MTCL1: variants seen among roughly 807,000 people sequenced by gnomAD.
MTCL1 encodes the protein microtubule cross-linking factor 1.
In MTCL1, 79 loss-of-function variants were observed where a neutral mutation model predicts 141.4. That is an observed-to-expected ratio of 0.56 (90% CI 0.47 to 0.67). MTCL1 has a LOEUF of 0.67. MTCL1 is among the 30% of genes least tolerant of loss of function. MTCL1 has a pLI of 0.00. For missense variants in MTCL1, 2,177 were observed against 2,113.9 expected, an observed-to-expected ratio of 1.03 and a Z score of -0.59; for synonymous variants, 914 against 875.8, an observed-to-expected ratio of 1.04 and a Z score of -0.77.
chr18:8,708,340 G>A (rs1038783468), intron 1 of MTCL1, among the ~76,000 whole-genome samples: 2 of 152,208 alleles, frequency 1.3e-5, no homozygotes, highest in African/African-American at 2.4e-5. Context: ...CATTCTTGGT[G>A]CAACTGGTTA....
chr18:8,745,992 G>T (rs915531940), intron 4 of MTCL1, among the ~76,000 whole-genome samples: 1 of 152,106 alleles, frequency 6.6e-6, no homozygotes, highest in African/African-American at 2.4e-5. Flanking sequence ...TACAGTATTT[G>T]TCTTTTTGTG....
chr18:8,807,746 C>T (rs142908788), intron 11 of MTCL1, among the ~76,000 whole-genome samples: 68 of 152,226 alleles, frequency 4.5e-4, no homozygotes, highest in African/African-American at 1.6e-3. Flanking sequence ...CCTTGGAAAC[C>T]ATTGAATGTC....
rs1465508820 is a variant in MTCL1 at position 8,810,466 on chromosome 18, G to T, written c.2605-2513G>T. ...GACACAGAGGAGCTTGTGGGCAGAA[G>T]GAGTGTCCCTTCACTGTCTTCACAA... On this transcript the variant is annotated intron_variant, in intron 11 of 16. Transcript: ENST00000359865. The surrounding 1 kb of genome is among the most constrained non-coding windows in gnomAD (Gnocchi z 5.0). 6.6e-6 allele frequency among the ~76,000 whole-genome samples: 1 copy of T among 152,196 alleles called. No individual in the cohort carries two copies. The highest frequency in any genetic ancestry group is 1.5e-5 in the Non-Finnish European group (1 of 68,032).
chr18:8,786,110 T>TCCCCCCCCCCCCCCCCCCCC lies in MTCL1; in HGVS notation c.1887+30_1887+31insCCCCCCCCCCCCCCCCCCCC. ...CCTGGAGGTCAGCGTGGGCAAGCAA[T>TCCCCCCCCCCCCCCCCCCCC]CCCCCCCCCCCGCCCTCCCCCTCCT... On this transcript the variant is annotated intron_variant, in intron 7 of 16. Transcript: ENST00000359865. 1.5e-6 allele frequency: 2 copies of TCCCCCCCCCCCCCCCCCCCC among 1,310,348 alleles called. No homozygotes were observed. Among genetic ancestry groups the TCCCCCCCCCCCCCCCCCCCC allele is most frequent in the Admixed American group, 2.5e-5 (1 of 39,438 alleles). The allele number at this position is 1,310,348 out of a possible 1,614,324, so 81.2% of individuals were successfully genotyped here.
chr18:8,784,245 G>A lies in MTCL1; in HGVS notation c.1133G>A (p.Arg378His), dbSNP rs576976861. 9 of 1,608,050 alleles carry A rather than the reference G, an allele frequency of 5.6e-6. No homozygotes were observed. In the Middle Eastern group the frequency reaches 5.0e-4, roughly 89 times the overall value. Reference sequence around the variant, plus strand: ...GACCTGGCAGCCCACCTGGGGCTGCGTGCCCCCAGTCCCCGGGACAGCGAT... The same window carrying A: ...GACCTGGCAGCCCACCTGGGGCTGCATGCCCCCAGTCCCCGGGACAGCGAT... The change falls in exon 6 of 17, where the codon CGT becomes CAT. Residue 378 changes from arginine to histidine, a missense_variant. Coordinates refer to ENST00000359865, the Ensembl canonical transcript of MTCL1.
intron 7 of MTCL1, chr18:8,789,609 A>G (rs1270549546): frequency 1.3e-5 from 13 of 985,406 alleles, no homozygotes; most frequent in Non-Finnish European, 1.3e-5. Flanking sequence ...AATGGTTACA[A>G]TTGTCAAGAC....
intron 14 of MTCL1, among the ~76,000 whole-genome samples, chr18:8,823,580 G>C (rs562745305): frequency 6.6e-6 from 1 of 152,174 alleles, no homozygotes; most frequent in Non-Finnish European, 1.5e-5. Flanking sequence ...CTTCCTTTCC[G>C]GCACTGGATA....
intron 4 of MTCL1, among the ~76,000 whole-genome samples, chr18:8,744,407 CTTCT>C (rs1183218198): frequency 1.3e-5 from 2 of 152,142 alleles, no homozygotes; most frequent in African/African-American, 4.8e-5. Context: ...TTCTGACTTC[CTTCT>C]TTAAGGGACA....
At chr18:8,827,201 T>G (rs1372161185) in intron 15 of MTCL1, among the ~76,000 whole-genome samples, 1 of 152,230 alleles carries the variant, frequency 6.6e-6, no homozygotes, top group Non-Finnish European at 1.5e-5. Flanking sequence ...GGCAGCTTGC[T>G]CCTGGTCTGC....
upstream of MTCL1, chr18:8,705,651 G>T (rs1237193874): frequency 5.0e-6 from 6 of 1,211,702 alleles, no homozygotes; most frequent in Non-Finnish European, 6.1e-6. The surrounding 1 kb of genome is among the most constrained non-coding windows in gnomAD (Gnocchi z 5.2). Flanking sequence ...TGCTGCCGGC[G>T]GACCCGGCCA....
intron 11 of MTCL1, among the ~76,000 whole-genome samples, chr18:8,808,108 G>A (rs952362104): frequency 2.0e-5 from 3 of 152,170 alleles, no homozygotes; most frequent in Non-Finnish European, 4.4e-5. Context: ...AGCCCTGGGT[G>A]GGGCAGGGAC....
At chr18:8,817,277 G>GTTT (rs2076687472) in intron 12 of MTCL1, among the ~76,000 whole-genome samples, 4 of 65,368 alleles carry the variant, frequency 6.1e-5, no homozygotes, top group East Asian at 4.5e-4. Flanking sequence ...TTTTTTTAAA[G>GTTT]AAAGCAGTTA....
chr18:8,832,061 A>G (rs756860163), exon 17 of MTCL1: 16 of 531,602 alleles, frequency 3.0e-5, no homozygotes, highest in Non-Finnish European at 5.0e-5. Flanking sequence ...TACACACAGT[A>G]TATTAAACGA....
At position 8,786,110 on chromosome 18, in the gene MTCL1, T is replaced by TCCCCCCCCCCCACCC; in HGVS notation, c.1887+30_1887+31insACCCCCCCCCCCCCC. On this transcript the variant is annotated intron_variant, in intron 7 of 16. Coordinates refer to ENST00000359865, the Ensembl canonical transcript of MTCL1. ...CCTGGAGGTCAGCGTGGGCAAGCAA[T>TCCCCCCCCCCCACCC]CCCCCCCCCCCGCCCTCCCCCTCCT... 3 of 1,310,346 alleles carry TCCCCCCCCCCCACCC rather than the reference T, an allele frequency of 2.3e-6. No individual in the cohort carries two copies. The South Asian group carries it at 3.9e-5, about 17-fold the overall frequency. 81.2% of individuals were successfully genotyped at this position (1,310,346 alleles called of 1,614,324 possible).
intron 4 of MTCL1, among the ~76,000 whole-genome samples, chr18:8,770,768 G>A (rs1387230858): frequency 6.6e-6 from 1 of 152,108 alleles, no homozygotes; most frequent in Non-Finnish European, 1.5e-5. Context: ...TCTTAACAAG[G>A]CCAAGGAGAA....
At chr18:8,789,962 G>A (rs1009396012) in intron 7 of MTCL1, among the ~76,000 whole-genome samples, 1 of 152,232 alleles carries the variant, frequency 6.6e-6, no homozygotes, top group African/African-American at 2.4e-5. Context: ...GCTAGGGGCA[G>A]TTGTCCGTGG....
At chr18:8,711,704 G>A (rs2096093501) in intron 1 of MTCL1, among the ~76,000 whole-genome samples, 1 of 151,368 alleles carries the variant, frequency 6.6e-6, no homozygotes, top group Non-Finnish European at 1.5e-5. Flanking sequence ...AGAAGTGTCT[G>A]TTCATGTCCT....
chr18:8,793,625 G>A (rs28582671), intron 8 of MTCL1, among the ~76,000 whole-genome samples: 1,793 of 152,184 alleles, frequency 0.012, 36 homozygotes, highest in African/African-American at 0.041. Flanking sequence ...CCAGAGTTCC[G>A]AGTAGAAGGG....
At chr18:8,831,830 AT>A (rs1264362902) in exon 17 of MTCL1, 2 of 1,549,306 alleles carry the variant, frequency 1.3e-6, no homozygotes, top group Non-Finnish European at 1.7e-6. Context: ...TCACAGTATA[AT>A]TCACTGTAAT....
Sources: allele counts gnomAD v4.1 joint callset (sites outside exome capture counted in the v4.1 genomes callset), GRCh38; gene constraint gnomAD v4.1.1; non-coding constraint Gnocchi (gnomAD v3.1); transcripts MANE v1.5; gene names NCBI Gene and HGNC (gene_info 2026-07-23, HGNC 2026-07-21).